Variants in GRHL2 observed in about 807,000 individuals in gnomAD.
GRHL2 encodes the protein grainyhead-like protein 2 homolog.
Under a neutral mutation model 83.8 loss-of-function variants are expected in GRHL2, and 21 were observed. That is an observed-to-expected ratio of 0.25 (90% CI 0.18 to 0.36). The LOEUF is 0.36. Ranked by LOEUF, GRHL2 falls within the 10% of genes least tolerant of loss-of-function variation. GRHL2 has a pLI of 1.00. For synonymous variants in GRHL2, 280 were observed against 278.9 expected (o/e 1.00, Z -0.04); for missense variants, 623 against 781.8 (o/e 0.80, Z 2.42).
chr8:101,509,995 T>A (rs76027808), intron 1 of GRHL2, among the ~76,000 whole-genome samples: 3,279 of 152,176 alleles, frequency 0.022, 111 homozygotes, highest in African/African-American at 0.073. Flanking sequence ...TTTATTTATT[T>A]ATTTATTTAT....
rs868517898 is a variant in GRHL2 at position 101,547,557 on chromosome 8, C to T, written c.216+4121C>T. 2.6e-5 allele frequency among the ~76,000 whole-genome samples: 4 copies of T among 152,322 alleles called. No homozygotes were observed. In the South Asian group the frequency reaches 8.3e-4, roughly 32 times the overall value. On this transcript the variant is annotated intron_variant, in intron 2 of 15. Transcript: ENST00000646743. Reference sequence around the variant, plus strand: ...ATAAATTTCAAGGTCTTTTCACCTACAGTTGATAACTGTCACCACAGATCA... The same window carrying T: ...ATAAATTTCAAGGTCTTTTCACCTATAGTTGATAACTGTCACCACAGATCA...
chr8:101,607,260 G>A (rs1466901595), intron 8 of GRHL2, among the ~76,000 whole-genome samples: 2 of 152,172 alleles, frequency 1.3e-5, no homozygotes, highest in African/African-American at 2.4e-5. Flanking sequence ...CTAAATGGAT[G>A]GCGTTCTTAA....
intron 9 of GRHL2, among the ~76,000 whole-genome samples, chr8:101,629,405 C>A (rs1233095065): frequency 6.6e-6 from 1 of 151,794 alleles, no homozygotes; most frequent in African/African-American, 2.4e-5. Context: ...CAAACATAAC[C>A]TCTCTATGCA....
chr8:101,590,016 A>G (rs1242414146), intron 7 of GRHL2, among the ~76,000 whole-genome samples: 2 of 152,176 alleles, frequency 1.3e-5, no homozygotes, highest in Non-Finnish European at 2.9e-5. Context: ...TGAGGTGGGA[A>G]TAATAATAAT....
chr8:101,627,157 C>T (rs771532361), intron 9 of GRHL2, among the ~76,000 whole-genome samples: 1 of 152,002 alleles, frequency 6.6e-6, no homozygotes, highest in Non-Finnish European at 1.5e-5. Flanking sequence ...ACAGGCTTAC[C>T]TCGTTTTATT....
chr8:101,496,460 C>G (rs958289036), intron 1 of GRHL2, among the ~76,000 whole-genome samples: 12 of 152,032 alleles, frequency 7.9e-5, no homozygotes, highest in African/African-American at 2.9e-4. Context: ...AATACATATA[C>G]CCATTCACTT....
intron 1 of GRHL2, among the ~76,000 whole-genome samples, chr8:101,527,493 G>T (rs1028389802): frequency 2.0e-5 from 3 of 152,160 alleles, no homozygotes; most frequent in African/African-American, 7.2e-5. Context: ...GAGCCACTGT[G>T]CTGGGCCCAC....
chr8:101,567,888 C>A (rs906991191), intron 4 of GRHL2, among the ~76,000 whole-genome samples: 2 of 152,170 alleles, frequency 1.3e-5, no homozygotes, highest in African/African-American at 4.8e-5. Flanking sequence ...TTCATTCTTG[C>A]CATGTTTACT....
intron 1 of GRHL2, among the ~76,000 whole-genome samples, chr8:101,501,882 C>CTT (rs143089829): frequency 2.6e-4 from 38 of 144,512 alleles, no homozygotes; most frequent in Middle Eastern, 7.0e-3. Context: ...AAAAAACATG[C>CTT]TTTTTTTTTT....
chr8:101,501,893 T>A (rs77124046), intron 1 of GRHL2, among the ~76,000 whole-genome samples: 2 of 152,030 alleles, frequency 1.3e-5, no homozygotes, highest in Non-Finnish European at 1.5e-5. Context: ...TTTTTTTTTT[T>A]AAGAAAGATT....
intron 15 of GRHL2, 85 bp downstream of exon 15, chr8:101,664,603 G>A: frequency 2.1e-6 from 2 of 950,502 alleles, no homozygotes; most frequent in East Asian, 2.5e-5. Context: ...CCTGTCTTTT[G>A]TTAGGTCTGT....
In GRHL2 at chr8:101,534,355, G is replaced by A. The variant is rs187838054; in HGVS notation, c.21-8886G>A. Reference sequence around the variant, plus strand: ...TGTGGGCAGCCCTCAGTTCCTCACCGGCTGTTTGTCAAGGCTTCAGTTCCT... The same window carrying A: ...TGTGGGCAGCCCTCAGTTCCTCACCAGCTGTTTGTCAAGGCTTCAGTTCCT... On this transcript the variant is annotated intron_variant, in intron 1 of 15. Transcript: ENST00000646743. Among the ~76,000 whole-genome samples, 44 of 152,208 alleles carry A rather than the reference G, an allele frequency of 2.9e-4. 1 individual carries two copies. Among genetic ancestry groups the A allele is most frequent in the Admixed American group, 9.2e-4 (14 of 15,278 alleles).
intron 4 of GRHL2, among the ~76,000 whole-genome samples, chr8:101,562,758 G>A (rs1396795008): frequency 6.6e-6 from 1 of 152,206 alleles, no homozygotes; most frequent in African/African-American, 2.4e-5. Context: ...TATTAGCTCA[G>A]ATCAGCTTCT....
intron 1 of GRHL2, among the ~76,000 whole-genome samples, chr8:101,518,194 A>G (rs1810610101): frequency 6.6e-6 from 1 of 152,060 alleles, no homozygotes; most frequent in East Asian, 1.9e-4. Flanking sequence ...GACTTTCCCT[A>G]TTAGAAAATC....
At chr8:101,522,738 CAT>C (rs1356934567) in intron 1 of GRHL2, among the ~76,000 whole-genome samples, 2 of 135,248 alleles carry the variant, frequency 1.5e-5, no homozygotes, top group Admixed American at 7.2e-5. Context: ...TATACATATA[CAT>C]ATATATATAT....
chr8:101,656,521 CAAG>C (rs1813788592), intron 14 of GRHL2, among the ~76,000 whole-genome samples: 1 of 152,148 alleles, frequency 6.6e-6, no homozygotes. Context: ...AAAGTTATCA[CAAG>C]AAGGATAAAC....
chr8:101,559,766 A>G (rs1264044506), intron 4 of GRHL2, among the ~76,000 whole-genome samples: 1 of 152,188 alleles, frequency 6.6e-6, no homozygotes, highest in Non-Finnish European at 1.5e-5. Flanking sequence ...TACAATTGTG[A>G]AACCAACATC....
chr8:101,623,053 A>G (rs956987395), intron 9 of GRHL2, among the ~76,000 whole-genome samples: 1 of 152,244 alleles, frequency 6.6e-6, no homozygotes, highest in Admixed American at 6.5e-5. Flanking sequence ...AGTCAGTTGT[A>G]TTAAAGGTGT....
At chr8:101,595,397 A>C (rs1247609469) in intron 7 of GRHL2, among the ~76,000 whole-genome samples, 1 of 152,188 alleles carries the variant, frequency 6.6e-6, no homozygotes. Flanking sequence ...TGTTTGAACA[A>C]ATTTTCTTGG....
Sources: gnomAD v4.1 joint callset for allele counts (sites outside exome capture counted in the v4.1 genomes callset) on GRCh38, gnomAD v4.1.1 for gene constraint, MANE v1.5 for transcripts, NCBI Gene and HGNC (gene_info 2026-07-23, HGNC 2026-07-21) for gene names.